Variants in SEZ6L observed in about 807,000 individuals in gnomAD.
SEZ6L encodes the protein seizure 6-like protein.
Under a neutral mutation model 106.2 loss-of-function variants are expected in SEZ6L, and 37 were observed. That is an observed-to-expected ratio of 0.35 (90% confidence interval 0.27 to 0.46). The LOEUF (loss-of-function observed/expected upper bound fraction) is 0.46, where lower values mean the gene tolerates loss of function less well. Ranked by LOEUF, SEZ6L falls within the 20% of genes least tolerant of loss-of-function variation. The pLI, the probability that SEZ6L is intolerant of heterozygous loss-of-function variation, is 1.00. For synonymous variants in SEZ6L, 541 were observed against 570.4 expected, an observed-to-expected ratio of 0.95 and a Z score of 0.73; for missense variants, 1,172 against 1,332.8, an observed-to-expected ratio of 0.88 and a Z score of 1.88.
At chr22:26,288,417 C>G (rs1241325712) in intron 1 of SEZ6L, among the ~76,000 whole-genome samples, 1 of 152,082 alleles carries the variant, frequency 6.6e-6, no homozygotes, top group Non-Finnish European at 1.5e-5. Flanking sequence ...TAGAAAAACA[C>G]TCTAGCCCAC....
At chr22:26,347,624 T>G (rs995922917) in intron 10 of SEZ6L, 95 bp from the exon 11 acceptor site, 31 of 1,064,344 alleles carry the variant, frequency 2.9e-5, no homozygotes, top group Non-Finnish European at 4.0e-5. Flanking sequence ...CTAGAGGCTT[T>G]TTTTTCTCTT....
At chr22:26,183,857 T>C (rs750286922) in intron 1 of SEZ6L, among the ~76,000 whole-genome samples, 3 of 152,176 alleles carry the variant, frequency 2.0e-5, no homozygotes, top group Non-Finnish European at 4.4e-5. Flanking sequence ...CAGAAACAAA[T>C]TAATTCCTTT....
Position 26,280,001 on chromosome 22 carries a change from T to G in SEZ6L, c.95-12405T>G, listed in dbSNP as rs568173206. On this transcript the variant is annotated intron_variant, in intron 1 of 16. Transcript: ENST00000248933. ...CATGCATGTGGCAAAACAACCCAAC[T>G]GTATACAATGATATACAATAAAAAA... Among the ~76,000 whole-genome samples the G allele has an allele frequency of 4.4e-3, 675 of 152,334 alleles. 5 individuals are homozygous for G. Among genetic ancestry groups the G allele is most frequent in the African/African-American group, 0.016 (650 of 41,564 alleles).
intron 14 of SEZ6L, 137 bp downstream of exon 14, chr22:26,373,620 T>A: frequency 1.4e-6 from 1 of 720,770 alleles, no homozygotes; most frequent in Non-Finnish European, 2.2e-6. Context: ...AAGATAATCT[T>A]AAAATAATAT....
chr22:26,211,687 T>C (rs1169878204), intron 1 of SEZ6L, among the ~76,000 whole-genome samples: 2 of 151,188 alleles, frequency 1.3e-5, no homozygotes, highest in Non-Finnish European at 2.9e-5. Flanking sequence ...GCCCATTTTG[T>C]AGCCAGGTGT....
chr22:26,371,689 A>AT (rs2146076342), intron 13 of SEZ6L, among the ~76,000 whole-genome samples: 1 of 151,216 alleles, frequency 6.6e-6, no homozygotes, highest in African/African-American at 2.4e-5. Flanking sequence ...ACACGAAAAG[A>AT]TAAAAAGAGG....
chr22:26,280,915 A>C (rs1000079757), intron 1 of SEZ6L, among the ~76,000 whole-genome samples: 1 of 152,244 alleles, frequency 6.6e-6, no homozygotes, highest in African/African-American at 2.4e-5. Flanking sequence ...AAGAACACTT[A>C]TAATCTAATC....
intron 1 of SEZ6L, among the ~76,000 whole-genome samples, chr22:26,247,249 C>T (rs965388930): frequency 1.3e-5 from 2 of 152,098 alleles, no homozygotes; most frequent in Non-Finnish European, 2.9e-5. Context: ...TTGGGCTTCA[C>T]GGAATCTGGG....
At chr22:26,353,655 C>T (rs767738477) in intron 12 of SEZ6L, among the ~76,000 whole-genome samples, 85 of 151,898 alleles carry the variant, frequency 5.6e-4, no homozygotes, top group Non-Finnish European at 8.4e-4. Flanking sequence ...TCTGTAACTG[C>T]GACCTTGATT....
chr22:26,288,781 A>G (rs529102462), intron 1 of SEZ6L, among the ~76,000 whole-genome samples: 46 of 152,344 alleles, frequency 3.0e-4, no homozygotes, highest in Non-Finnish European at 5.9e-4. Context: ...AGGTGAATTG[A>G]TGTGCTTTTT....
intron 15 of SEZ6L, 139 bp from the exon 16 acceptor site, chr22:26,377,534 A>G: frequency 1.4e-6 from 1 of 690,914 alleles, no homozygotes; most frequent in Non-Finnish European, 2.6e-6. Flanking sequence ...CTCGCCTGCA[A>G]AAGGCTGTTT....
intron 11 of SEZ6L, among the ~76,000 whole-genome samples, chr22:26,349,097 G>A (rs1027576796): frequency 4.6e-5 from 7 of 152,266 alleles, no homozygotes; most frequent in Non-Finnish European, 8.8e-5. Flanking sequence ...GGCCCAAAGT[G>A]GGCAAATAAA....
At chr22:26,338,861 T>TTTTTC (rs764433700) in intron 9 of SEZ6L, among the ~76,000 whole-genome samples, 19,177 of 82,528 alleles carry the variant, frequency 0.23, 3,295 homozygotes, top group Non-Finnish European at 0.27. Context: ...CGGACTTTTT[T>TTTTTC]TTTTTCTTTT....
intron 10 of SEZ6L, among the ~76,000 whole-genome samples, chr22:26,346,742 CT>C (rs1295508658): frequency 2.0e-5 from 3 of 152,228 alleles, no homozygotes; most frequent in African/African-American, 7.2e-5. Context: ...CTCTGGAGGG[CT>C]GCTTGAGCAT....
chr22:26,179,015 ATG>A (rs1432378326), intron 1 of SEZ6L, among the ~76,000 whole-genome samples: 2 of 152,100 alleles, frequency 1.3e-5, no homozygotes, highest in Non-Finnish European at 2.9e-5. Flanking sequence ...CCCTCTGCTG[ATG>A]GTATTAGCAG....
chr22:26,355,051 A>T (rs2083399214), intron 12 of SEZ6L, among the ~76,000 whole-genome samples: 1 of 152,232 alleles, frequency 6.6e-6, no homozygotes, highest in Admixed American at 6.5e-5. Flanking sequence ...TAGGTTCTGA[A>T]GGCATTTTTA....
chr22:26,339,412 T>C (rs556281596), intron 9 of SEZ6L, among the ~76,000 whole-genome samples: 10 of 152,342 alleles, frequency 6.6e-5, no homozygotes, highest in Admixed American at 2.0e-4. Flanking sequence ...ATTCTTTCAA[T>C]TAGAGATCAA....
intron 1 of SEZ6L, among the ~76,000 whole-genome samples, chr22:26,182,551 A>G (rs1013046801): frequency 6.6e-6 from 1 of 152,168 alleles, no homozygotes; most frequent in African/African-American, 2.4e-5. Flanking sequence ...TAGGTACCCA[A>G]TATAGATACT....
At chr22:26,196,646 T>A (rs996994291) in intron 1 of SEZ6L, among the ~76,000 whole-genome samples, 1 of 152,188 alleles carries the variant, frequency 6.6e-6, no homozygotes, top group Non-Finnish European at 1.5e-5. Flanking sequence ...TCACTTTGAC[T>A]GCTGGGTGGA....
Sources: gnomAD v4.1 joint callset for allele counts (sites outside exome capture counted in the v4.1 genomes callset) on GRCh38, gnomAD v4.1.1 for gene constraint, MANE v1.5 for transcripts, NCBI Gene and HGNC (gene_info 2026-07-23, HGNC 2026-07-21) for gene names.